Variants in KCNIP4 observed in about 807,000 individuals in gnomAD.
KCNIP4 encodes the protein potassium voltage-gated channel interacting protein 4.
Under a neutral mutation model 34.0 loss-of-function variants are expected in KCNIP4, and 12 were observed. The observed-to-expected ratio is 0.35, with a 90% CI of 0.23 to 0.57. KCNIP4 has a LOEUF of 0.57. KCNIP4 is among the 20% of genes least tolerant of loss of function. The pLI, the probability that KCNIP4 is intolerant of heterozygous loss-of-function variation, is 0.83. For synonymous variants in KCNIP4, 124 were observed against 102.2 expected, an observed-to-expected ratio of 1.21 and a Z score of -1.29; for missense variants, 238 against 311.7, an observed-to-expected ratio of 0.76 and a Z score of 1.78.
At chr4:20,965,830 T>C (rs1734288786) in intron 1 of KCNIP4, among the ~76,000 whole-genome samples, 1 of 152,196 alleles carries the variant, frequency 6.6e-6, no homozygotes, top group Non-Finnish European at 1.5e-5. Context: ...TGTTGATGCA[T>C]TGTAGAAGAG....
At chr4:21,455,845 A>ATG (rs1728915933) in intron 1 of KCNIP4, among the ~76,000 whole-genome samples, 1 of 97,272 alleles carries the variant, frequency 1.0e-5, no homozygotes, top group African/African-American at 4.6e-5. Context: ...ATATATATAT[A>ATG]TATATATATA....
rs1439071536 is a variant in KCNIP4, at chr4:21,291,934, AG to A, written c.62-409226del. Among the ~76,000 whole-genome samples the A allele has an allele frequency of 5.4e-4, 50 of 91,930 alleles. 4 individuals are homozygous for A. Among genetic ancestry groups the A allele is most frequent in the African/African-American group, 3.4e-3 (45 of 13,380 alleles). The allele number at this position is 91,930 out of a possible 152,430, so 60.3% of individuals were successfully genotyped here. On this transcript the variant is annotated intron_variant, in intron 1 of 8. Coordinates refer to ENST00000382152, the MANE Select transcript of KCNIP4 (RefSeq NM_025221.6). ...AAGAAAGAAAGAAAGAAAGAAAGAAAGAAAAAAAAAGAAAAAAGTCTGATGA... is the reference window on the plus strand; with the variant it reads ...AAGAAAGAAAGAAAGAAAGAAAGAAAAAAAAAAAAGAAAAAAGTCTGATGA...
At chr4:21,571,851 T>C (rs953689928) in intron 1 of KCNIP4, among the ~76,000 whole-genome samples, 3 of 152,186 alleles carry the variant, frequency 2.0e-5, no homozygotes, top group Non-Finnish European at 4.4e-5. Context: ...ACAATGTTAA[T>C]AACATCTATC....
chr4:21,262,976 T>C (rs1263545108), intron 1 of KCNIP4, among the ~76,000 whole-genome samples: 26 of 152,312 alleles, frequency 1.7e-4, no homozygotes, highest in Non-Finnish European at 8.8e-5. Flanking sequence ...TTTTTAAGAG[T>C]GAATGAATAA....
intron 1 of KCNIP4, among the ~76,000 whole-genome samples, chr4:21,130,104 T>C (rs1750949011): frequency 6.6e-6 from 1 of 151,770 alleles, no homozygotes; most frequent in African/African-American, 2.4e-5. Flanking sequence ...TTTTTACTGT[T>C]CCTTTTTTTT....
At chr4:21,115,190 T>G (rs1004820085) in intron 1 of KCNIP4, among the ~76,000 whole-genome samples, 4 of 152,270 alleles carry the variant, frequency 2.6e-5, no homozygotes, top group African/African-American at 9.6e-5. Context: ...CATGTGCATA[T>G]TAAACTCCCA....
At chr4:21,445,369 A>G (rs1453016590) in intron 1 of KCNIP4, among the ~76,000 whole-genome samples, 1 of 152,206 alleles carries the variant, frequency 6.6e-6, no homozygotes, top group Non-Finnish European at 1.5e-5. Context: ...CCTGACTTCA[A>G]ACTATAATAC....
chr4:21,943,043 G>A (rs894098188), intron 1 of KCNIP4, among the ~76,000 whole-genome samples: 37 of 152,150 alleles, frequency 2.4e-4, no homozygotes, highest in Non-Finnish European at 8.8e-5. Flanking sequence ...ACAAGTGTGA[G>A]CCACCATTCC....
At chr4:21,712,043 C>T (rs914306205) in intron 1 of KCNIP4, among the ~76,000 whole-genome samples, 14 of 152,090 alleles carry the variant, frequency 9.2e-5, no homozygotes, top group African/African-American at 2.7e-4. Flanking sequence ...ACATCAAAAG[C>T]CTCTCTGCCT....
At chr4:21,819,604 GA>G (rs1269255384) in intron 1 of KCNIP4, among the ~76,000 whole-genome samples, 1 of 151,934 alleles carries the variant, frequency 6.6e-6, no homozygotes, top group Admixed American at 6.6e-5. Context: ...TTTATTAAAT[GA>G]AAAAAAGAAG....
chr4:21,253,737 T>G (rs1462338021), intron 1 of KCNIP4, among the ~76,000 whole-genome samples: 1 of 152,196 alleles, frequency 6.6e-6, no homozygotes, highest in Non-Finnish European at 1.5e-5. Flanking sequence ...CACAGAGATG[T>G]TTTATGAGAT....
chr4:21,750,548 C>T (rs186410999), intron 1 of KCNIP4, among the ~76,000 whole-genome samples: 6 of 152,244 alleles, frequency 3.9e-5, no homozygotes, highest in Admixed American at 3.9e-4. Context: ...GAAACATGAA[C>T]ATCCTTTGAG....
At chr4:21,469,836 T>C (rs1396135716) in intron 1 of KCNIP4, among the ~76,000 whole-genome samples, 1 of 152,188 alleles carries the variant, frequency 6.6e-6, no homozygotes, top group African/African-American at 2.4e-5. Context: ...CAGGTGTTGA[T>C]GGTATTTTTA....
At chr4:21,247,882 A>ACACACC (rs1190238913) in intron 1 of KCNIP4, among the ~76,000 whole-genome samples, 3 of 137,176 alleles carry the variant, frequency 2.2e-5, no homozygotes, top group African/African-American at 8.3e-5. Flanking sequence ...ACACACACAC[A>ACACACC]CCACAGGTAG....
chr4:21,429,970 G>A (rs2109661522), intron 1 of KCNIP4, among the ~76,000 whole-genome samples: 1 of 152,140 alleles, frequency 6.6e-6, no homozygotes, highest in East Asian at 1.9e-4. Context: ...CAGTCACTGT[G>A]AAGATAAAGC....
chr4:20,876,622 G>A (rs550854548), intron 2 of KCNIP4, among the ~76,000 whole-genome samples: 1 of 151,766 alleles, frequency 6.6e-6, no homozygotes. Context: ...AGGCTGTAGT[G>A]CAGTGGCACG....
chr4:20,885,199 A>G (rs1377315770), intron 1 of KCNIP4, among the ~76,000 whole-genome samples: 2 of 149,600 alleles, frequency 1.3e-5, no homozygotes, highest in South Asian at 4.2e-4. Context: ...CTAATGAAAG[A>G]TCACCAGGTT....
chr4:21,042,701 C>T (rs890565823), intron 1 of KCNIP4, among the ~76,000 whole-genome samples: 23 of 151,982 alleles, frequency 1.5e-4, no homozygotes, highest in South Asian at 2.1e-4. Flanking sequence ...GATCTCATCA[C>T]GAAGAAATGA....
intron 1 of KCNIP4, among the ~76,000 whole-genome samples, chr4:21,069,241 C>T (rs902644223): frequency 2.0e-5 from 3 of 151,078 alleles, no homozygotes; most frequent in Admixed American, 6.6e-5. Flanking sequence ...TTTTTTTTAA[C>T]GTGTGCTGCT....
Sources: allele counts gnomAD v4.1 joint callset (sites outside exome capture counted in the v4.1 genomes callset), GRCh38; gene constraint gnomAD v4.1.1; transcripts MANE v1.5; gene names NCBI Gene and HGNC (gene_info 2026-07-23, HGNC 2026-07-21).